Variants in SMIM36 observed in about 807,000 individuals in gnomAD.
SMIM36 encodes small integral membrane protein 36.
chr17:55,481,383 G>A (rs1909518385), intron 1 of SMIM36, among the ~76,000 whole-genome samples: 1 of 152,008 alleles, frequency 6.6e-6, no homozygotes, highest in Non-Finnish European at 1.5e-5. Flanking sequence ...CCAATAACCA[G>A]GCAGAAGAAA....
rs562846611 is a variant in SMIM36, at chr17:55,498,819, C to G, written c.*174+12060G>C. On this transcript the variant is annotated intron_variant, in intron 1 of 4. Coordinates refer to ENST00000636752, the Ensembl canonical transcript of SMIM36. ...TTCAAGATCAGCCTATCCAACATGA[C>G]AAAACCCCGTCTCTACTAAAAACAC... Among the ~76,000 whole-genome samples the G allele has an allele frequency of 1.7e-3, 262 of 151,682 alleles. 1 individual carries two copies. Among genetic ancestry groups the G allele is most frequent in the African/African-American group, 6.0e-3 (248 of 41,378 alleles).
intron 4 of SMIM36, among the ~76,000 whole-genome samples, chr17:55,462,927 ACT>A (rs1409549426): frequency 2.0e-5 from 3 of 151,858 alleles, no homozygotes; most frequent in Admixed American, 6.6e-5. Flanking sequence ...AAGCTGGAAA[ACT>A]CTCTGTTAAA....
chr17:55,498,999 C>CAA (rs60117513), intron 1 of SMIM36, among the ~76,000 whole-genome samples: 77 of 67,006 alleles, frequency 1.1e-3, no homozygotes, highest in African/African-American at 1.4e-3. Flanking sequence ...ACTCTGTCAC[C>CAA]AAAAAAAAAA....
chr17:55,511,498 G>A (rs542321280), upstream of SMIM36: 125 of 380,682 alleles, frequency 3.3e-4, 1 homozygote, highest in African/African-American at 2.4e-3. Flanking sequence ...AAAGCTGCTC[G>A]GTTTAATAAC....
intron 1 of SMIM36, among the ~76,000 whole-genome samples, 170 bp downstream of exon 1, chr17:55,510,709 G>GCA (rs10639655): frequency 0.22 from 33,071 of 150,800 alleles, 8,404 homozygotes; most frequent in African/African-American, 0.61. Flanking sequence ...ACGTGCACGT[G>GCA]CACACACACA....
intron 4 of SMIM36, among the ~76,000 whole-genome samples, chr17:55,457,509 TA>T (rs1482553381): frequency 3.3e-5 from 5 of 151,690 alleles, no homozygotes; most frequent in African/African-American, 9.7e-5. Context: ...TCGAGATCTT[TA>T]AAAAAATTTT....
At chr17:55,490,730 T>C (rs993052843) in intron 1 of SMIM36, among the ~76,000 whole-genome samples, 1 of 152,218 alleles carries the variant, frequency 6.6e-6, no homozygotes, top group Non-Finnish European at 1.5e-5. Context: ...TAGGGTCATA[T>C]GTAAATTTAC....
At chr17:55,495,045 T>C (rs1373127733) in intron 1 of SMIM36, among the ~76,000 whole-genome samples, 2 of 152,214 alleles carry the variant, frequency 1.3e-5, no homozygotes, top group African/African-American at 4.8e-5. Context: ...AAGACAGAAC[T>C]CATGTCTGTT....
intron 4 of SMIM36, among the ~76,000 whole-genome samples, chr17:55,453,474 A>T (rs984824810): frequency 6.6e-6 from 1 of 152,188 alleles, no homozygotes; most frequent in South Asian, 2.1e-4. Flanking sequence ...GATCCAAATA[A>T]AATATACCAG....
intron 4 of SMIM36, among the ~76,000 whole-genome samples, chr17:55,457,324 A>C (rs921883652): frequency 1.3e-5 from 2 of 150,924 alleles, no homozygotes; most frequent in Non-Finnish European, 1.5e-5. Context: ...GGTGGTGTGC[A>C]CCCGTAGTCC....
At chr17:55,474,217 C>T (rs921918487) in intron 3 of SMIM36, among the ~76,000 whole-genome samples, 3 of 152,174 alleles carry the variant, frequency 2.0e-5, no homozygotes, top group Non-Finnish European at 2.9e-5. Context: ...GTTTTGTCTG[C>T]GGCTTGTCCT....
intron 3 of SMIM36, among the ~76,000 whole-genome samples, chr17:55,476,577 T>G (rs1019342884): frequency 1.0e-4 from 15 of 148,900 alleles, no homozygotes; most frequent in African/African-American, 3.6e-4. Context: ...ATTTTTTTTT[T>G]TTGTTTGTTT....
chr17:55,467,800 C>T (rs1161511714), intron 3 of SMIM36, among the ~76,000 whole-genome samples: 1 of 152,192 alleles, frequency 6.6e-6, no homozygotes, highest in Non-Finnish European at 1.5e-5. Flanking sequence ...CAAGCTAAGC[C>T]ATCATATCCC....
intron 1 of SMIM36, among the ~76,000 whole-genome samples, chr17:55,482,359 A>G (rs1436542209): frequency 6.6e-6 from 1 of 152,038 alleles, no homozygotes; most frequent in Admixed American, 6.6e-5. Context: ...ATCTATTCCT[A>G]TTCTTTAGCC....
At position 55,458,810 on chromosome 17, in the gene SMIM36, G is replaced by A. The variant is rs574709475; in HGVS notation, c.*531+8335C>T. On this transcript the variant is annotated intron_variant, in intron 4 of 4. Coordinates refer to ENST00000636752, the Ensembl canonical transcript of SMIM36. ...ACTGCAGGGGAAGACTACCTCCCTT[G>A]TGGATCCTCCGTCCGCTGAGAGCTA... Among the ~76,000 whole-genome samples, 211 of 152,228 alleles carry A rather than the reference G, an allele frequency of 1.4e-3. 1 individual carries two copies. The highest frequency in any genetic ancestry group is 4.9e-3 in the African/African-American group (205 of 41,532).
At chr17:55,501,716 C>T (rs138265740) in intron 1 of SMIM36, among the ~76,000 whole-genome samples, 2 of 119,900 alleles carry the variant, frequency 1.7e-5, no homozygotes, top group African/African-American at 3.3e-5. Context: ...TACATACATT[C>T]GGGGAGGAGC....
At chr17:55,500,035 C>T (rs547429244) in intron 1 of SMIM36, among the ~76,000 whole-genome samples, 23 of 151,744 alleles carry the variant, frequency 1.5e-4, no homozygotes, top group Non-Finnish European at 2.4e-4. Context: ...TTTTGTTCTC[C>T]TCTTTTTTTT....
At chr17:55,492,075 C>T (rs1047291656) in intron 1 of SMIM36, among the ~76,000 whole-genome samples, 1 of 150,986 alleles carries the variant, frequency 6.6e-6, no homozygotes, top group Non-Finnish European at 1.5e-5. Flanking sequence ...AGGAGAATGG[C>T]GTGAACCAGG....
At chr17:55,467,692 G>A (rs765771372) in intron 3 of SMIM36, among the ~76,000 whole-genome samples, 5 of 152,246 alleles carry the variant, frequency 3.3e-5, no homozygotes, top group Non-Finnish European at 5.9e-5. Flanking sequence ...CACCGCACTC[G>A]GCCAACCATA....
Sources: gnomAD v4.1 joint callset for allele counts (sites outside exome capture counted in the v4.1 genomes callset) on GRCh38, gnomAD v4.1.1 for gene constraint, MANE v1.5 for transcripts, NCBI Gene and HGNC (gene_info 2026-07-23, HGNC 2026-07-21) for gene names.